PIGL: variants seen among roughly 807,000 people sequenced by gnomAD.
The protein encoded by PIGL is phosphatidylinositol glycan anchor biosynthesis class L.
In PIGL, 22 loss-of-function variants were observed where a neutral mutation model predicts 31.1. The observed-to-expected ratio is 0.71, with a 90% CI of 0.51 to 1.01. The LOEUF (loss-of-function observed/expected upper bound fraction) is 1.01. Ranked by LOEUF, PIGL falls within the 50% of genes least tolerant of loss-of-function variation. PIGL has a pLI of 0.00. For synonymous variants in PIGL, 131 were observed against 117.4 expected, an observed-to-expected ratio of 1.12 and a Z score of -0.75; for missense variants, 302 against 315.9, an observed-to-expected ratio of 0.96 and a Z score of 0.33.
intron 6 of PIGL, 95 bp downstream of exon 6, chr17:16,318,003 G>T: frequency 9.3e-7 from 1 of 1,077,240 alleles, no homozygotes; most frequent in Admixed American, 1.8e-5. Context: ...CCTAACTGAA[G>T]GTTTTTCACA....
At chr17:16,247,200 A>G (rs1224642982) in intron 2 of PIGL, among the ~76,000 whole-genome samples, 5 of 152,098 alleles carry the variant, frequency 3.3e-5, no homozygotes, top group Admixed American at 3.3e-4. Context: ...CCCTATCTCA[A>G]AATAGTTACA....
At chr17:16,286,927 G>C (rs1319133982) in intron 2 of PIGL, among the ~76,000 whole-genome samples, 2 of 152,144 alleles carry the variant, frequency 1.3e-5, no homozygotes, top group East Asian at 3.8e-4. Flanking sequence ...GCAGCAGTCC[G>C]AACCTCTGCC....
chr17:16,244,657 A>G (rs910847387), intron 2 of PIGL, among the ~76,000 whole-genome samples: 1 of 152,102 alleles, frequency 6.6e-6, no homozygotes, highest in Admixed American at 6.6e-5. Flanking sequence ...TTGAAGGTAT[A>G]AAGCGGGGAG....
At chr17:16,303,999 C>G (rs531550742) in intron 3 of PIGL, among the ~76,000 whole-genome samples, 12 of 152,286 alleles carry the variant, frequency 7.9e-5, no homozygotes, top group African/African-American at 2.9e-4. Flanking sequence ...CAGGTGTAAG[C>G]CACTGCGCCC....
chr17:16,218,306 C>T (rs1403462766), intron 1 of PIGL: 1 of 152,154 alleles, frequency 6.6e-6, no homozygotes, highest in South Asian at 2.1e-4. Flanking sequence ...AATTTTATAT[C>T]GTTTTTACTC....
intron 2 of PIGL, among the ~76,000 whole-genome samples, chr17:16,252,065 C>CCTTTTTTTTTTT (rs1568797477): frequency 1.6e-5 from 2 of 125,190 alleles, no homozygotes; most frequent in East Asian, 2.0e-4. Context: ...ATTTTTTTTT[C>CCTTTTTTTTTTT]CTTTTTTTTT....
chr17:16,288,818 C>T (rs1309381483), intron 2 of PIGL, among the ~76,000 whole-genome samples: 1 of 152,200 alleles, frequency 6.6e-6, no homozygotes, highest in Non-Finnish European at 1.5e-5. Context: ...GGATTACAGG[C>T]GTGAGCCACC....
rs558045455 is a variant in PIGL, at chr17:16,229,205, A to G, written c.236-4766A>G. Among the ~76,000 whole-genome samples, 59 of 152,276 alleles carry G rather than the reference A, an allele frequency of 3.9e-4. No homozygotes were observed. In the South Asian group the frequency reaches 4.4e-3, roughly 11 times the overall value. On this transcript the variant is annotated intron_variant, in intron 1 of 6. Coordinates refer to ENST00000225609, the MANE Select transcript of PIGL (RefSeq NM_004278.4). ...AGTGGGAGAATCCCTTGAATCCAGGAGGTCAAGGCTGCAGTAAGCTCTGAT... is the reference window on the plus strand; with the variant it reads ...AGTGGGAGAATCCCTTGAATCCAGGGGGTCAAGGCTGCAGTAAGCTCTGAT...
chr17:16,270,604 T>C (rs1215432583), intron 2 of PIGL, among the ~76,000 whole-genome samples: 5 of 151,900 alleles, frequency 3.3e-5, no homozygotes, highest in Non-Finnish European at 5.9e-5. Flanking sequence ...CCATGAAAAC[T>C]TAAGTAGTCA....
chr17:16,217,261 C>A lies in PIGL; in HGVS notation c.35C>A (p.Ala12Glu). The A allele has an allele frequency of 6.2e-7, 1 of 1,614,096 alleles. No individual in the cohort carries two copies. Among genetic ancestry groups the A allele is most frequent in the Middle Eastern group, 1.6e-4 (1 of 6,062 alleles). ...EAMWLLCVAL[A>E]VLAWGFLWVW... ...ATGTGGCTCCTGTGTGTGGCGTTGG[C>A]GGTCTTGGCATGGGGCTTCCTCTGG... The change falls in exon 1 of 7, where the codon GCG (alanine) becomes GAG (glutamate). Residue 12 changes from alanine (A) to glutamate (E), a missense_variant. By Grantham distance (107) the Ala-to-Glu change is moderately radical (BLOSUM62 -1). Transcript: ENST00000225609.
intron 2 of PIGL, among the ~76,000 whole-genome samples, chr17:16,245,403 A>G (rs1389427214): frequency 5.3e-5 from 8 of 151,958 alleles, no homozygotes; most frequent in Non-Finnish European, 1.2e-4. Context: ...CTGGGATTAC[A>G]AGCATGAGCC....
At chr17:16,282,894 G>A (rs985480472) in intron 2 of PIGL, among the ~76,000 whole-genome samples, 4 of 152,178 alleles carry the variant, frequency 2.6e-5, no homozygotes, top group African/African-American at 9.7e-5. Context: ...CTGGCCAGGT[G>A]CAGTGGCTCA....
chr17:16,265,740 T>TA (rs887577166), intron 2 of PIGL, among the ~76,000 whole-genome samples: 7,404 of 143,220 alleles, frequency 0.052, 603 homozygotes, highest in African/African-American at 0.17. Context: ...GACTCCGTAT[T>TA]AAAAAAAAAA....
chr17:16,307,850 A>G (rs754422337), intron 3 of PIGL, among the ~76,000 whole-genome samples: 5 of 151,668 alleles, frequency 3.3e-5, no homozygotes, highest in Non-Finnish European at 7.4e-5. Context: ...ACGTGCCTAT[A>G]GTCTCAGCTA....
chr17:16,225,957 G>C (rs921699157), intron 1 of PIGL, among the ~76,000 whole-genome samples: 1 of 150,816 alleles, frequency 6.6e-6, no homozygotes, highest in Non-Finnish European at 1.5e-5. Context: ...GAAGCAGGAG[G>C]ATCACTTAAC....
chr17:16,262,040 T>C (rs2092821330), intron 2 of PIGL, among the ~76,000 whole-genome samples: 2 of 150,684 alleles, frequency 1.3e-5, no homozygotes, highest in South Asian at 4.1e-4. Context: ...CTGGTCGACA[T>C]GGTGAAATTC....
At chr17:16,228,683 C>T (rs183428764) in intron 1 of PIGL, among the ~76,000 whole-genome samples, 5 of 152,386 alleles carry the variant, frequency 3.3e-5, no homozygotes, top group Admixed American at 1.3e-4. Context: ...CCACCACGCC[C>T]GGCGATTTTA....
rs538261815 is a variant in PIGL, at chr17:16,290,484, C to T, written c.336-9404C>T. Among the ~76,000 whole-genome samples, 8 of 152,118 alleles carry T rather than the reference C, an allele frequency of 5.3e-5. No homozygotes were observed. In the South Asian group the frequency reaches 1.7e-3, roughly 32 times the overall value. ...TTATGGTTCACTGCAGTCTTGATCT[C>T]CCAGGCTCAAGTGATCCTTATGCCT... On this transcript the variant is annotated intron_variant, in intron 2 of 6. Transcript: ENST00000225609.
chr17:16,238,033 T>A (rs1239750260), intron 2 of PIGL, among the ~76,000 whole-genome samples: 1 of 151,528 alleles, frequency 6.6e-6, no homozygotes, highest in Non-Finnish European at 1.5e-5. Context: ...CCATCTCTAC[T>A]AAAAATACAA....
Sources: gnomAD v4.1 joint callset for allele counts (sites outside exome capture counted in the v4.1 genomes callset) on GRCh38, gnomAD v4.1.1 for gene constraint, MANE v1.5 for transcripts, NCBI Gene and HGNC (gene_info 2026-07-23, HGNC 2026-07-21) for gene names.